The following MAP2 variants were observed in gnomAD, a reference collection of about 807,000 sequenced individuals.
MAP2 encodes the protein microtubule-associated protein 2.
Under a neutral mutation model 137.6 loss-of-function variants are expected in MAP2, and 14 were observed. That is an observed-to-expected ratio of 0.10 (90% CI 0.07 to 0.16). The LOEUF is 0.16. Ranked by LOEUF, MAP2 falls within the 10% of genes least tolerant of loss-of-function variation. MAP2 has a pLI of 1.00. For missense variants in MAP2, 2,088 were observed against 2,191.5 expected (o/e 0.95, Z 0.94); for synonymous variants, 786 against 782.3 (o/e 1.00, Z -0.08).
At chr2:209,682,259 G>A (rs1015196828) in intron 7 of MAP2, among the ~76,000 whole-genome samples, 3 of 152,274 alleles carry the variant, frequency 2.0e-5, no homozygotes, top group Middle Eastern at 3.4e-3. Context: ...GGGAGGCCGA[G>A]GCGGGCAGAT....
At chr2:209,727,464 A>G (rs2074479569) in intron 14 of MAP2, among the ~76,000 whole-genome samples, 1 of 152,254 alleles carries the variant, frequency 6.6e-6, no homozygotes, top group Admixed American at 6.5e-5. Flanking sequence ...ATAAGGAACT[A>G]TTCTGTGTAT....
At chr2:209,573,444 C>T (rs2153379066) in intron 2 of MAP2, among the ~76,000 whole-genome samples, 1 of 151,812 alleles carries the variant, frequency 6.6e-6, no homozygotes, top group Non-Finnish European at 1.5e-5. Context: ...CAGGTGTGAG[C>T]CACCACACCC....
chr2:209,516,624 A>G (rs13013173), intron 2 of MAP2, among the ~76,000 whole-genome samples: 34,218 of 152,044 alleles, frequency 0.23, 5,197 homozygotes, highest in African/African-American at 0.43. Context: ...TATGGGGTAA[A>G]AATGAGTCAG....
intron 1 of MAP2, among the ~76,000 whole-genome samples, chr2:209,478,980 C>A (rs1353467073): frequency 6.6e-6 from 1 of 152,078 alleles, no homozygotes; most frequent in Non-Finnish European, 1.5e-5. Flanking sequence ...TATTGGCCTG[C>A]CTTCATTTAA....
chr2:209,534,926 A>G (rs558694782), intron 2 of MAP2, among the ~76,000 whole-genome samples: 1 of 152,334 alleles, frequency 6.6e-6, no homozygotes, highest in East Asian at 1.9e-4. Flanking sequence ...CATATACCAT[A>G]TAATTCACTC....
At chr2:209,523,343 G>T (rs2063551909) in intron 2 of MAP2, among the ~76,000 whole-genome samples, 1 of 152,134 alleles carries the variant, frequency 6.6e-6, no homozygotes, top group African/African-American at 2.4e-5. Context: ...GGAACTTAGT[G>T]CGTTGCTTGA....
At chr2:209,494,143 T>A (rs976019156) in intron 1 of MAP2, among the ~76,000 whole-genome samples, 1 of 151,984 alleles carries the variant, frequency 6.6e-6, no homozygotes, top group Admixed American at 6.6e-5. Flanking sequence ...GGGTCATGGA[T>A]AAAGCTGGAA....
chr2:209,463,670 T>G (rs1393833156), intron 1 of MAP2, among the ~76,000 whole-genome samples: 1 of 152,210 alleles, frequency 6.6e-6, no homozygotes, highest in Admixed American at 6.5e-5. Context: ...GAAACTGGAA[T>G]CTAACCTAAA....
intron 4 of MAP2, among the ~76,000 whole-genome samples, chr2:209,644,868 T>A: frequency 6.8e-6 from 1 of 147,870 alleles, no homozygotes; most frequent in East Asian, 2.0e-4. Flanking sequence ...TGTTTCTTTT[T>A]TAGTAAAATG....
At chr2:209,559,141 TA>T (rs1168844174) in intron 2 of MAP2, among the ~76,000 whole-genome samples, 1 of 152,070 alleles carries the variant, frequency 6.6e-6, no homozygotes, top group Non-Finnish European at 1.5e-5. Context: ...CTGCCCTTAC[TA>T]ACTGGCATTC....
At position 209,660,245 on chromosome 2, in the gene MAP2, C is replaced by T. The variant is rs116362116; in HGVS notation, c.262+6813C>T. On this transcript the variant is annotated intron_variant, in intron 5 of 15. Coordinates refer to ENST00000682079, the MANE Select transcript of MAP2 (RefSeq NM_001375505.1). ...AAGAGGCAGGAATGGAAAAGCTTTTCCAGGCTTTGCGTTGTCACTTTTTCA... is the reference window on the plus strand; with the variant it reads ...AAGAGGCAGGAATGGAAAAGCTTTTTCAGGCTTTGCGTTGTCACTTTTTCA... Among the ~76,000 whole-genome samples, 497 of 152,170 alleles carry T rather than the reference C, an allele frequency of 3.3e-3. 3 individuals are homozygous for T. Among genetic ancestry groups the T allele is most frequent in the African/African-American group, 0.011 (450 of 41,522 alleles).
At chr2:209,636,128 G>T (rs1310170059) in intron 4 of MAP2, among the ~76,000 whole-genome samples, 1 of 152,100 alleles carries the variant, frequency 6.6e-6, no homozygotes, top group Non-Finnish European at 1.5e-5. Context: ...TGTACCATGT[G>T]CTCAGTAATT....
chr2:209,615,196 G>C (rs189503577), intron 3 of MAP2, among the ~76,000 whole-genome samples: 24 of 152,262 alleles, frequency 1.6e-4, no homozygotes, highest in Non-Finnish European at 2.6e-4. Flanking sequence ...CTGGTGCTCT[G>C]TCCCCTGTGT....
At chr2:209,635,965 T>A (rs10179315) in intron 4 of MAP2, among the ~76,000 whole-genome samples, 8,796 of 152,198 alleles carry the variant, frequency 0.058, 594 homozygotes, top group South Asian at 0.23. Context: ...GTGGCTGAAC[T>A]CAGGGGCTGA....
Position 209,433,958 on chromosome 2 carries a change from T to A in MAP2, c.-222+9682T>A, listed in dbSNP as rs75240484. 2.6e-3 allele frequency among the ~76,000 whole-genome samples: 389 copies of A among 152,184 alleles called. 5 individuals are homozygous for A. Among genetic ancestry groups the A allele is most frequent in the South Asian group, 3.7e-3 (18 of 4,824 alleles). The stretch of plus-strand genomic sequence containing the variant: ...CCTTTGGCTATTTCCCCACAGCAGA[T>A]TTAGTTGTAAACAAGGTCAGGTGCC... On this transcript the variant is annotated intron_variant, in intron 1 of 15. Coordinates refer to ENST00000682079, the MANE Select transcript of MAP2 (RefSeq NM_001375505.1).
At chr2:209,448,260 A>G (rs975203612) in intron 1 of MAP2, among the ~76,000 whole-genome samples, 1 of 152,060 alleles carries the variant, frequency 6.6e-6, no homozygotes, top group Non-Finnish European at 1.5e-5. Context: ...TCATATAATC[A>G]CTTGAGGTTG....
At chr2:209,535,203 G>A (rs1033489205) in intron 2 of MAP2, among the ~76,000 whole-genome samples, 4 of 152,120 alleles carry the variant, frequency 2.6e-5, no homozygotes, top group African/African-American at 9.7e-5. Context: ...TTGGTGACTG[G>A]ATTCTTTCAG....
Position 209,653,130 on chromosome 2 carries a change from T to G in MAP2, c.-29-12T>G. 1 of 1,536,438 alleles carries G rather than the reference T, an allele frequency of 6.5e-7. No homozygotes were observed. The highest frequency in any genetic ancestry group is 8.7e-7 in the Non-Finnish European group (1 of 1,143,644). On this transcript the variant is annotated splice_polypyrimidine_tract_variant and intron_variant, in intron 4 of 15. Coordinates refer to ENST00000682079, the MANE Select transcript of MAP2 (RefSeq NM_001375505.1). ...TTCCCCAAAGTAATAGCTACTATTT[T>G]TTCTCTTTCAGTTGCAGGAGAAATA...
At chr2:209,535,885 T>C (rs957549286) in intron 2 of MAP2, among the ~76,000 whole-genome samples, 3 of 152,200 alleles carry the variant, frequency 2.0e-5, no homozygotes, top group Admixed American at 6.5e-5. Context: ...TTATATAATA[T>C]AGTAACTGAA....
Sources: allele counts gnomAD v4.1 joint callset (sites outside exome capture counted in the v4.1 genomes callset), GRCh38; gene constraint gnomAD v4.1.1; transcripts MANE v1.5; gene names NCBI Gene and HGNC (gene_info 2026-07-23, HGNC 2026-07-21).